Variants in LRIG1 observed in about 807,000 individuals in gnomAD.
LRIG1 encodes the protein leucine-rich repeats and immunoglobulin-like domains protein 1.
A neutral mutation model predicts 99.2 loss-of-function variants in LRIG1; 48 were observed. The observed-to-expected ratio is 0.48, with a 90% CI of 0.38 to 0.62. The LOEUF is 0.62. Among genes scored for constraint, LRIG1 ranks in the 20% least tolerant of loss-of-function variants. The pLI is 0.00. For missense variants in LRIG1, 1,646 were observed against 1,434.4 expected (o/e 1.15, Z -2.38); for synonymous variants, 772 against 596.1 (o/e 1.29, Z -4.30).
intron 3 of LRIG1, among the ~76,000 whole-genome samples, chr3:66,444,544 A>T (rs1575696834): frequency 6.6e-6 from 1 of 152,218 alleles, no homozygotes; most frequent in African/African-American, 2.4e-5. Context: ...CCCCAGCCCC[A>T]TATGAGCCCC....
intron 3 of LRIG1, among the ~76,000 whole-genome samples, chr3:66,440,002 C>T (rs1703488010): frequency 6.7e-6 from 1 of 150,328 alleles, no homozygotes; most frequent in Admixed American, 6.6e-5. Context: ...TTCCCCTCCA[C>T]CTGGTGAGAA....
intron 1 of LRIG1, among the ~76,000 whole-genome samples, chr3:66,491,058 G>C (rs73836308): frequency 0.04 from 6,027 of 152,326 alleles, 411 homozygotes; most frequent in African/African-American, 0.14. Context: ...TTTCAAATCT[G>C]TGTGAAGTTT....
intron 9 of LRIG1, chr3:66,401,659 C>G (rs1454361863): frequency 3.9e-6 from 6 of 1,529,760 alleles, no homozygotes; most frequent in Non-Finnish European, 5.2e-6. Context: ...AGCCAGCAGA[C>G]TGGGATGGCT....
intron 3 of LRIG1, among the ~76,000 whole-genome samples, chr3:66,433,002 G>C (rs570278582): frequency 6.6e-6 from 1 of 152,332 alleles, no homozygotes; most frequent in Admixed American, 6.5e-5. Context: ...CATTGCCAGA[G>C]GGCCCAGCCA....
rs370411621 is a variant in LRIG1 at position 66,386,023 on chromosome 3, A to G, written c.1747T>C (p.Phe583Leu). The change falls in exon 13 of 19, where the codon TTT becomes CTT. Residue 583 changes from phenylalanine to leucine, a missense_variant. Transcript: ENST00000273261. ...GCCTTATGTGAATAGGTGGAGCCAAAGTGGTTGGTGATGACACATTGGTAG... is the reference window on the plus strand; with the variant it reads ...GCCTTATGTGAATAGGTGGAGCCAAGGTGGTTGGTGATGACACATTGGTAG... ...GRYQCVITNHFGSTYSHKARL... is the reference protein window; with the variant it reads ...GRYQCVITNHLGSTYSHKARL... 2.1e-4 allele frequency: 342 copies of G among 1,614,048 alleles called. No individual in the cohort carries two copies. The highest frequency in any genetic ancestry group is 2.8e-4 in the Non-Finnish European group (327 of 1,180,036).
At chr3:66,476,510 A>C (rs1700725866) in intron 1 of LRIG1, among the ~76,000 whole-genome samples, 1 of 152,214 alleles carries the variant, frequency 6.6e-6, no homozygotes, top group Non-Finnish European at 1.5e-5. Context: ...CCAGGTTCAC[A>C]AATGGATTTC....
At chr3:66,388,810 C>T (rs1002990419) in intron 12 of LRIG1, among the ~76,000 whole-genome samples, 2 of 152,164 alleles carry the variant, frequency 1.3e-5, no homozygotes, top group Non-Finnish European at 2.9e-5. Flanking sequence ...ATTTTAAACA[C>T]ACACAGAGCA....
intron 3 of LRIG1, among the ~76,000 whole-genome samples, chr3:66,444,714 T>C (rs991814703): frequency 1.2e-4 from 19 of 152,128 alleles, no homozygotes; most frequent in Non-Finnish European, 1.9e-4. Context: ...CTACAGGTGG[T>C]CTACCAGTGA....
At chr3:66,487,943 T>C (rs941397394) in intron 1 of LRIG1, among the ~76,000 whole-genome samples, 48 of 152,206 alleles carry the variant, frequency 3.2e-4, no homozygotes, top group African/African-American at 1.1e-3. Context: ...TCCAACTTCA[T>C]TGCATTTTAG....
chr3:66,396,327 A>G (rs1443825169), intron 11 of LRIG1, among the ~76,000 whole-genome samples: 1 of 152,232 alleles, frequency 6.6e-6, no homozygotes, highest in African/African-American at 2.4e-5. Context: ...TGGAGAGCAC[A>G]GCGCCATCGG....
chr3:66,451,244 T>C lies in LRIG1; in HGVS notation c.365+315A>G, dbSNP rs144183742. ...ACACAGCTTCCTTTAACTCCAGTTT[T>C]ACTCAAAGTTGCAGCTTAACCAACC... On this transcript the variant is annotated intron_variant, in intron 3 of 18. Coordinates refer to ENST00000273261, the MANE Select transcript of LRIG1 (RefSeq NM_015541.3). 1.9e-3 allele frequency among the ~76,000 whole-genome samples: 282 copies of C among 152,202 alleles called. 2 individuals are homozygous for C. Among genetic ancestry groups the C allele is most frequent in the African/African-American group, 6.5e-3 (272 of 41,530 alleles).
intron 5 of LRIG1, 60 bp downstream of exon 5, chr3:66,414,860 G>A (rs1485527114): frequency 6.1e-6 from 9 of 1,469,226 alleles, no homozygotes; most frequent in Non-Finnish European, 8.2e-6. Flanking sequence ...GGTCCTTGGG[G>A]AAATCTGGCC....
chr3:66,414,394 A>C (rs1017054967), intron 5 of LRIG1, among the ~76,000 whole-genome samples: 2 of 150,036 alleles, frequency 1.3e-5, no homozygotes, highest in Non-Finnish European at 3.0e-5. Flanking sequence ...AGACTGTCGC[A>C]AAAAAAAATA....
At chr3:66,431,066 A>C (rs1703155984) in intron 3 of LRIG1, among the ~76,000 whole-genome samples, 1 of 151,862 alleles carries the variant, frequency 6.6e-6, no homozygotes, top group African/African-American at 2.4e-5. Context: ...TTGGCAGAGC[A>C]CCGGGCTATC....
At chr3:66,456,368 G>A (rs980219624) in intron 2 of LRIG1, among the ~76,000 whole-genome samples, 4 of 152,114 alleles carry the variant, frequency 2.6e-5, no homozygotes, top group Non-Finnish European at 5.9e-5. Context: ...GATCATTTAA[G>A]CCCAGTAGTT....
At position 66,388,486 on chromosome 3, in the gene LRIG1, T is replaced by C. The variant is rs910384101; in HGVS notation, c.1469-2185A>G. Among the ~76,000 whole-genome samples, 9 of 152,240 alleles carry C rather than the reference T, an allele frequency of 5.9e-5. No individual in the cohort carries two copies. In the East Asian group the frequency reaches 1.7e-3, roughly 29 times the overall value. Reference sequence around the variant, plus strand: ...ATGGCCCCAAATTTGATGAAAAATGTGCAGCCACACATCCAAGAATCTTAA... The same window carrying C: ...ATGGCCCCAAATTTGATGAAAAATGCGCAGCCACACATCCAAGAATCTTAA... On this transcript the variant is annotated intron_variant, in intron 12 of 18. Coordinates refer to ENST00000273261, the MANE Select transcript of LRIG1 (RefSeq NM_015541.3).
intron 9 of LRIG1, among the ~76,000 whole-genome samples, chr3:66,399,377 A>C (rs576319469): frequency 6.6e-6 from 1 of 152,214 alleles, no homozygotes; most frequent in Non-Finnish European, 1.5e-5. Context: ...AGGACCACCA[A>C]CCCTTGGGTG....
intron 13 of LRIG1, 100 bp from the exon 14 acceptor site, chr3:66,384,372 G>C (rs1402557190): frequency 2.3e-6 from 3 of 1,290,510 alleles, no homozygotes; most frequent in Non-Finnish European, 2.2e-6. Context: ...CCCAGTGCCA[G>C]TTCACTTCTT....
intron 1 of LRIG1, among the ~76,000 whole-genome samples, 200 bp downstream of exon 1, chr3:66,499,990 C>G (rs1056624872): frequency 9.9e-5 from 15 of 152,000 alleles, no homozygotes; most frequent in African/African-American, 3.4e-4. Context: ...CAGGCTCTCT[C>G]GCACGCCTAC....
Sources: allele counts gnomAD v4.1 joint callset (sites outside exome capture counted in the v4.1 genomes callset), GRCh38; gene constraint gnomAD v4.1.1; transcripts MANE v1.5; gene names NCBI Gene and HGNC (gene_info 2026-07-23, HGNC 2026-07-21).